Variants in ADGB observed in about 807,000 individuals in gnomAD.
ADGB encodes the protein calpain-7-like protein.
ADGB carries 172 observed loss-of-function variants against 210.5 expected under a neutral mutation model. The ratio of observed to expected loss-of-function variants is 0.82; its 90% CI spans 0.72 to 0.93. The LOEUF is 0.93. Among genes scored for constraint, ADGB ranks in the 40% least tolerant of loss-of-function variants. ADGB has a pLI of 0.00. For synonymous variants in ADGB, 658 were observed against 662.7 expected, an observed-to-expected ratio of 0.99 and a Z score of 0.11; for missense variants, 2,025 against 1,964.8, an observed-to-expected ratio of 1.03 and a Z score of -0.58.
intron 30 of ADGB, among the ~76,000 whole-genome samples, chr6:146,782,715 G>A (rs534417491): frequency 3.3e-5 from 5 of 152,182 alleles, no homozygotes; most frequent in East Asian, 1.9e-4. Context: ...GCCTTAAAGC[G>A]TCATTGGAAG....
intron 27 of ADGB, among the ~76,000 whole-genome samples, chr6:146,759,697 G>C (rs938812942): frequency 4.6e-5 from 7 of 151,558 alleles, no homozygotes; most frequent in Non-Finnish European, 8.9e-5. Context: ...TCAATGAATG[G>C]GTGCATGCAT....
intron 2 of ADGB, among the ~76,000 whole-genome samples, chr6:146,636,326 C>T (rs1775419608): frequency 6.6e-6 from 1 of 151,932 alleles, no homozygotes; most frequent in Admixed American, 6.6e-5. Context: ...TTAGCATGTA[C>T]GTTTTGTTCA....
chr6:146,785,526 G>T, intron 31 of ADGB, 84 bp from the exon 32 acceptor site: 3 of 1,017,596 alleles, frequency 2.9e-6, no homozygotes, highest in South Asian at 1.9e-5. Flanking sequence ...TTTCGTTTTC[G>T]ATTGAATACC....
intron 2 of ADGB, 43 bp from the exon 3 acceptor site, chr6:146,644,730 A>G: frequency 8.6e-7 from 1 of 1,161,626 alleles, no homozygotes; most frequent in Non-Finnish European, 1.2e-6. Flanking sequence ...TTTTTATTTT[A>G]ATAAAAGAAT....
At chr6:146,652,427 T>A (rs2114880543) in intron 3 of ADGB, among the ~76,000 whole-genome samples, 1 of 152,312 alleles carries the variant, frequency 6.6e-6, no homozygotes, top group South Asian at 2.1e-4. Flanking sequence ...TAACTTTTTT[T>A]ATTGACTTTT....
At chr6:146,806,843 G>A (rs939173272) in intron 35 of ADGB, among the ~76,000 whole-genome samples, 1 of 152,214 alleles carries the variant, frequency 6.6e-6, no homozygotes, top group Non-Finnish European at 1.5e-5. Flanking sequence ...AGTTGATCCA[G>A]GAGGAGAGCG....
intron 1 of ADGB, among the ~76,000 whole-genome samples, chr6:146,623,109 G>A (rs913527232): frequency 6.6e-6 from 1 of 151,850 alleles, no homozygotes; most frequent in Non-Finnish European, 1.5e-5. Flanking sequence ...GACTTGAACT[G>A]TTAGTCTTTG....
intron 14 of ADGB, among the ~76,000 whole-genome samples, chr6:146,716,315 G>C (rs1045158787): frequency 7.8e-6 from 1 of 128,618 alleles, no homozygotes; most frequent in Non-Finnish European, 1.5e-5. Context: ...GTGAGGGCCG[G>C]GCGCGGTGGC....
At chr6:146,666,761 T>A (rs1010332966) in intron 6 of ADGB, 55 bp from the exon 7 acceptor site, 2 of 1,063,620 alleles carry the variant, frequency 1.9e-6, no homozygotes, top group African/African-American at 3.1e-5. Flanking sequence ...TTCTTATATA[T>A]CTTTATGTGT....
intron 3 of ADGB, among the ~76,000 whole-genome samples, chr6:146,650,747 A>G (rs1476114769): frequency 6.6e-6 from 1 of 151,864 alleles, no homozygotes; most frequent in Non-Finnish European, 1.5e-5. Context: ...AATTGAGACC[A>G]TTTCAAAGCA....
chr6:146,652,495 A>T lies in ADGB; in HGVS notation c.331-1640A>T, dbSNP rs141763969. On this transcript the variant is annotated intron_variant, in intron 3 of 35. Transcript: ENST00000397944. ...ATTGACAGTGTTACTTTTCCTAAAA[A>T]CCTGATTCTCTAATCAAAACTGTTT... is the stretch of plus-strand genomic sequence containing the variant. Among the ~76,000 whole-genome samples the T allele has an allele frequency of 6.9e-3, 1,046 of 152,224 alleles. 8 individuals are homozygous for T. The highest frequency in any genetic ancestry group is 0.022 in the African/African-American group (929 of 41,534).
intron 4 of ADGB, among the ~76,000 whole-genome samples, 160 bp downstream of exon 4, chr6:146,654,366 T>C (rs921543617): frequency 3.3e-5 from 5 of 151,574 alleles, no homozygotes; most frequent in African/African-American, 1.2e-4. Context: ...TGGGGGTGGG[T>C]GTTTGAGACA....
chr6:146,678,256 T>C (rs778433570), intron 9 of ADGB, among the ~76,000 whole-genome samples: 4 of 152,228 alleles, frequency 2.6e-5, no homozygotes, highest in Non-Finnish European at 5.9e-5. Context: ...ACACAGAGTC[T>C]TGCTGTGTCG....
Position 146,684,594 on chromosome 6 carries a change from C to T in ADGB, c.1217-1140C>T, listed in dbSNP as rs1242637707. On this transcript the variant is annotated intron_variant, in intron 9 of 35. Coordinates refer to ENST00000397944, the MANE Select transcript of ADGB (RefSeq NM_024694.4). ...TTTAAAAGGAATAATTATTTTGCTG[C>T]ATCCTTAAACTTAAGATGATTAGTT... 3.3e-5 allele frequency among the ~76,000 whole-genome samples: 5 copies of T among 152,042 alleles called. No individual in the cohort carries two copies. In the East Asian group the frequency reaches 5.8e-4, roughly 18 times the overall value.
rs532902855 is a variant in ADGB at position 146,760,519 on chromosome 6, T to C, written c.3551-3382T>C. Among the ~76,000 whole-genome samples the C allele has an allele frequency of 4.6e-5, 7 of 152,038 alleles. No individual in the cohort carries two copies. The East Asian group carries it at 7.7e-4, about 17-fold the overall frequency. ...TCTACCCATTCTCCTATTGGACATA[T>C]GGGTTTATTGGAGTTTTTTGATATG... On this transcript the variant is annotated intron_variant, in intron 27 of 35. Transcript: ENST00000397944.
intron 27 of ADGB, among the ~76,000 whole-genome samples, chr6:146,760,928 C>A (rs1310431969): frequency 6.6e-6 from 1 of 151,808 alleles, no homozygotes; most frequent in African/African-American, 2.4e-5. Context: ...CACATTACAC[C>A]CACATTTTTA....
chr6:146,814,458 G>T (rs752927535), intron 35 of ADGB, among the ~76,000 whole-genome samples: 3 of 152,194 alleles, frequency 2.0e-5, no homozygotes, highest in Non-Finnish European at 4.4e-5. Context: ...TCCAGGAGGA[G>T]AGAGTGCAGT....
intron 9 of ADGB, among the ~76,000 whole-genome samples, chr6:146,679,456 G>A (rs543841379): frequency 5.3e-5 from 8 of 152,246 alleles, no homozygotes; most frequent in African/African-American, 1.9e-4. Flanking sequence ...CACAGTAACT[G>A]CGATATAAAC....
chr6:146,607,747 T>C (rs1472173230), intron 1 of ADGB, among the ~76,000 whole-genome samples: 7 of 152,194 alleles, frequency 4.6e-5, no homozygotes, highest in Non-Finnish European at 8.8e-5. Context: ...ATGCCTACTT[T>C]ATTGTGGTAA....
Sources: gnomAD v4.1 joint callset for allele counts (sites outside exome capture counted in the v4.1 genomes callset) on GRCh38, gnomAD v4.1.1 for gene constraint, MANE v1.5 for transcripts, NCBI Gene and HGNC (gene_info 2026-07-23, HGNC 2026-07-21) for gene names.